XCR1: variants seen among roughly 807,000 people sequenced by gnomAD.
XCR1 encodes chemokine XC receptor 1.
For synonymous variants in XCR1, 187 were observed against 188.5 expected (o/e 0.99, Z 0.06); for missense variants, 356 against 424.2 (o/e 0.84, Z 1.41).
At chr3:46,043,876 T>A (rs890378577) in intron 5 of XCR1, among the ~76,000 whole-genome samples, 1 of 152,234 alleles carries the variant, frequency 6.6e-6, no homozygotes, top group African/African-American at 2.4e-5. Flanking sequence ...TAAAATTATG[T>A]GTGTTAACAT....
At chr3:46,049,976 C>T (rs1697708573) in intron 5 of XCR1, among the ~76,000 whole-genome samples, 2 of 152,180 alleles carry the variant, frequency 1.3e-5, no homozygotes, top group South Asian at 4.1e-4. Flanking sequence ...CATTCTTGAC[C>T]TATGCCTGCC....
At chr3:46,050,834 A>G (rs1697727644) in intron 5 of XCR1, among the ~76,000 whole-genome samples, 1 of 152,212 alleles carries the variant, frequency 6.6e-6, no homozygotes, top group African/African-American at 2.4e-5. Flanking sequence ...GCCACTGGGG[A>G]AGGTAAACCT....
At chr3:46,070,340 A>G (rs1381610289) in intron 3 of XCR1, among the ~76,000 whole-genome samples, 2 of 151,712 alleles carry the variant, frequency 1.3e-5, no homozygotes, top group African/African-American at 4.8e-5. Flanking sequence ...TTCTTTGTTA[A>G]TTTTCTGTCT....
At chr3:46,081,131 G>T (rs973230394) in intron 1 of XCR1, among the ~76,000 whole-genome samples, 4 of 152,160 alleles carry the variant, frequency 2.6e-5, no homozygotes, top group African/African-American at 9.7e-5. Flanking sequence ...CTCCAGAACG[G>T]CCAAGAAACA....
At chr3:46,075,010 G>T (rs1276140510) in intron 2 of XCR1, among the ~76,000 whole-genome samples, 2 of 151,846 alleles carry the variant, frequency 1.3e-5, no homozygotes, top group East Asian at 3.9e-4. Context: ...AAATTTCCAG[G>T]CCCAGAGAGT....
intron 3 of XCR1, among the ~76,000 whole-genome samples, chr3:46,072,432 AT>A (rs1319417414): frequency 1.3e-5 from 2 of 152,330 alleles, no homozygotes; most frequent in Non-Finnish European, 2.9e-5. Context: ...AGGTGGGAAG[AT>A]TGCTTGAGTC....
At chr3:46,040,733 A>G in intron 5 of XCR1, among the ~76,000 whole-genome samples, 1 of 152,146 alleles carries the variant, frequency 6.6e-6, no homozygotes, top group East Asian at 1.9e-4. Flanking sequence ...GATGCTCCTC[A>G]AAAAGTGACT....
chr3:46,084,316 A>G (rs1698432508), intron 1 of XCR1, among the ~76,000 whole-genome samples: 1 of 152,230 alleles, frequency 6.6e-6, no homozygotes, highest in African/African-American at 2.4e-5. Flanking sequence ...AAGGAAGGAA[A>G]TGAGAGCAAA....
chr3:46,059,869 A>C (rs6766443), intron 4 of XCR1, among the ~76,000 whole-genome samples: 1 of 152,240 alleles, frequency 6.6e-6, no homozygotes, highest in African/African-American at 2.4e-5. Context: ...TAAGAAAGTC[A>C]TACTTTCTAT....
At chr3:46,077,695 A>T (rs1698286769) in intron 1 of XCR1, among the ~76,000 whole-genome samples, 1 of 152,140 alleles carries the variant, frequency 6.6e-6, no homozygotes, top group African/African-American at 2.4e-5. Flanking sequence ...AATCAATGTT[A>T]TTTCTGCAAA....
At chr3:46,079,193 C>A (rs1474063355) in intron 1 of XCR1, among the ~76,000 whole-genome samples, 1 of 152,166 alleles carries the variant, frequency 6.6e-6, no homozygotes, top group Non-Finnish European at 1.5e-5. Context: ...GAAACACCAT[C>A]TGGTTTTATG....
chr3:46,041,078 C>A (rs559444427), intron 5 of XCR1, among the ~76,000 whole-genome samples: 6 of 151,916 alleles, frequency 3.9e-5, no homozygotes, highest in Non-Finnish European at 8.8e-5. Context: ...TATTGAGCAG[C>A]GTATAGTTTT....
Position 46,021,761 on chromosome 3 carries a change from C to G in XCR1, c.187G>C (p.Glu63Gln). 6.2e-7 allele frequency: 1 copy of G among 1,614,066 alleles called. No individual in the cohort carries two copies. The highest frequency in any genetic ancestry group is 8.5e-7 in the Non-Finnish European group (1 of 1,180,028). Residue 63 changes from glutamate (E) to glutamine (Q), a missense_variant, in exon 2 of 2, where the codon GAG becomes CAG. Glu to Gln is a conservative substitution (Grantham distance 29). Transcript: ENST00000309285. The surrounding 1 kb of genome is among the most constrained non-coding windows in gnomAD (Gnocchi z 4.7). ...AGGATGAAGATGTTGGTGAGGGACT[C>G]CAGGCTCTCATACTTCACCAGGACC... ...LWVLVKYESLESLTNIFILNL... is the reference protein window; with the variant it reads ...LWVLVKYESLQSLTNIFILNL...
intron 1 of XCR1, among the ~76,000 whole-genome samples, chr3:46,081,589 G>A (rs900669402): frequency 1.3e-5 from 2 of 152,096 alleles, no homozygotes; most frequent in African/African-American, 4.8e-5. Flanking sequence ...GGTCTCTGAT[G>A]TCTAATATTT....
chr3:46,023,347 GCCGACCGTTTAT>G, intron 1 of XCR1: 1 of 1,348,390 alleles, frequency 7.4e-7, no homozygotes, highest in Non-Finnish European at 1.1e-6. Context: ...GAGCAGACGA[GCCGACCGTTTAT>G]TAGCTGCAGG....
intron 4 of XCR1, among the ~76,000 whole-genome samples, chr3:46,062,505 A>G (rs949143829): frequency 2.6e-5 from 4 of 152,060 alleles, no homozygotes; most frequent in Non-Finnish European, 5.9e-5. Flanking sequence ...CTAAGGTTCA[A>G]CCTCCTGGAT....
chr3:46,034,164 G>A (rs1381296548), intron 5 of XCR1, among the ~76,000 whole-genome samples: 4 of 152,086 alleles, frequency 2.6e-5, no homozygotes, highest in South Asian at 2.1e-4. Flanking sequence ...AGTAGACGGG[G>A]TTTCACCACG....
At chr3:46,029,494 A>G (rs2125895359), upstream of XCR1, among the ~76,000 whole-genome samples, 1 of 152,322 alleles carries the variant, frequency 6.6e-6, no homozygotes, top group South Asian at 2.1e-4. Flanking sequence ...ACAAGGGTCA[A>G]AAATCAAGAC....
At chr3:46,067,754 C>T (rs1381036582) in intron 3 of XCR1, among the ~76,000 whole-genome samples, 2 of 152,058 alleles carry the variant, frequency 1.3e-5, no homozygotes, top group African/African-American at 2.4e-5. Flanking sequence ...GAAGAAGTGG[C>T]TTGGCTAAGT....
Sources: gnomAD v4.1 joint callset for allele counts (sites outside exome capture counted in the v4.1 genomes callset) on GRCh38, gnomAD v4.1.1 for gene constraint, Gnocchi (gnomAD v3.1) non-coding constraint, MANE v1.5 for transcripts, NCBI Gene and HGNC (gene_info 2026-07-23, HGNC 2026-07-21) for gene names.